Variants in PTPN6 observed in about 807,000 individuals in gnomAD.
PTPN6 encodes the protein tyrosine-protein phosphatase non-receptor type 6.
PTPN6 carries 18 observed loss-of-function variants against 81.5 expected under a neutral mutation model. The observed-to-expected ratio is 0.22, with a 90% CI of 0.15 to 0.33. The LOEUF (loss-of-function observed/expected upper bound fraction) is 0.33, where lower values mean the gene tolerates loss of function less well. PTPN6 is among the 10% of genes least tolerant of loss of function. The pLI, the probability that PTPN6 is intolerant of heterozygous loss-of-function variation, is 1.00. For missense variants in PTPN6, 500 were observed against 794.2 expected (o/e 0.63, Z 4.45); for synonymous variants, 301 against 310.9 (o/e 0.97, Z 0.33).
Position 6,960,491 on chromosome 12 carries a change from G to A in PTPN6, c.1673+56G>A, listed in dbSNP as rs759053. ...TCCACCCCTTTGTCCTGCCCAGCCC[G>A]ATCCTCACTTTCTGGAGAGGACAAG... On this transcript the variant is annotated intron_variant, in intron 14 of 15. Coordinates refer to ENST00000318974, the MANE Select transcript of PTPN6 (RefSeq NM_002831.6). The surrounding 1 kb of genome is among the most constrained non-coding windows in gnomAD (Gnocchi z 6.1). 1,335,265 of 1,563,682 alleles carry A rather than the reference G, an allele frequency of 0.85. 576,685 individuals are homozygous for A. Among genetic ancestry groups the A allele is most frequent in the South Asian group, 0.88 (78,144 of 88,852 alleles).
rs1037738090 is a variant in PTPN6 at position 6,954,501 on chromosome 12, C to T, written c.327-304C>T. ...GGTCGAGGCTGCAGAGAGCTGTAACCGCGCCACTGCACTCCAGCCTGGGCA... is the reference window on the plus strand; with the variant it reads ...GGTCGAGGCTGCAGAGAGCTGTAACTGCGCCACTGCACTCCAGCCTGGGCA... On this transcript the variant is annotated intron_variant, in intron 3 of 15. Coordinates refer to ENST00000318974, the MANE Select transcript of PTPN6 (RefSeq NM_002831.6). The surrounding 1 kb of genome is among the most constrained non-coding windows in gnomAD (Gnocchi z 5.4). 3.9e-5 allele frequency among the ~76,000 whole-genome samples: 6 copies of T among 152,336 alleles called. No homozygotes were observed. The highest frequency in any genetic ancestry group is 2.1e-4 in the South Asian group (1 of 4,830).
chr12:6,958,067 A>G lies in PTPN6; in HGVS notation c.1355A>G (p.His452Arg). The G allele has an allele frequency of 1.2e-6, 2 of 1,611,122 alleles. No homozygotes were observed. Among genetic ancestry groups the G allele is most frequent in the Non-Finnish European group, 1.7e-6 (2 of 1,179,970 alleles). The change falls in exon 11 of 16, where the codon CAC becomes CGC. Residue 452 changes from histidine to arginine, a missense_variant. By Grantham distance (29) the His-to-Arg change is conservative (BLOSUM62 0). Coordinates refer to ENST00000318974, the MANE Select transcript of PTPN6 (RefSeq NM_002831.6). The part of the protein sequence containing the change: ...SLPHAGPIIV[H>R]CSAGIGRTGT... ...CCTCACGCAGGGCCCATCATCGTGC[A>G]CTGCAGGTGAGGATGATAATCCTGA...
intron 11 of PTPN6, among the ~76,000 whole-genome samples, chr12:6,958,278 G>T (rs994290399): frequency 1.3e-5 from 2 of 152,156 alleles, no homozygotes; most frequent in Non-Finnish European, 2.9e-5. Context: ...TCTGCCTGTG[G>T]GTATCTTCCT....
upstream of PTPN6, chr12:6,946,829 C>A: frequency 1.4e-6 from 2 of 1,380,264 alleles, no homozygotes; most frequent in South Asian, 2.5e-5. Flanking sequence ...CGTGTGTGAA[C>A]GTGAGTGCGA....
chr12:6,959,627 T>G lies in PTPN6; in HGVS notation c.1362-300T>G. 1 of 551,210 alleles carries G rather than the reference T, an allele frequency of 1.8e-6. No individual in the cohort carries two copies. The highest frequency in any genetic ancestry group is 3.3e-6 in the Non-Finnish European group (1 of 306,006). 34.1% of individuals were successfully genotyped at this position (551,210 alleles called of 1,614,324 possible). On this transcript the variant is annotated intron_variant, in intron 11 of 15. Transcript: ENST00000318974. The surrounding 1 kb of genome is among the most constrained non-coding windows in gnomAD (Gnocchi z 6.6). ...AGTGGTGGGATTTGGGGGTCCCAGGTCTTCCGGGGTGGGGGCAGCCACTCA... is the reference window on the plus strand; with the variant it reads ...AGTGGTGGGATTTGGGGGTCCCAGGGCTTCCGGGGTGGGGGCAGCCACTCA...
rs1946035635 is a variant in PTPN6, at chr12:6,956,564, G to A, written c.1070G>A (p.Gly357Asp). ...IVMTTREVEK[G>D]RNKCVPYWPE... ...ATGACCACCCGAGAGGTGGAGAAAG[G>A]CCGGGTAGGGCGCCCCCCCTTCCCC... The change falls in exon 9 of 16, where the codon GGC (glycine) becomes GAC (aspartate). Residue 357 changes from glycine to aspartate, a missense_variant. Physicochemically the swap from Gly to Asp is moderately conservative, Grantham distance 94. Coordinates refer to ENST00000318974, the MANE Select transcript of PTPN6 (RefSeq NM_002831.6). The surrounding 1 kb of genome is among the most constrained non-coding windows in gnomAD (Gnocchi z 4.1). 1 of 1,613,428 alleles carries A rather than the reference G, an allele frequency of 6.2e-7. No individual in the cohort carries two copies. The highest frequency in any genetic ancestry group is 1.3e-5 in the African/African-American group (1 of 74,784).
In PTPN6 at chr12:6,957,816, G is replaced by A. The variant is rs368818350; in HGVS notation, c.1206+31G>A. The A allele has an allele frequency of 4.0e-5, 64 of 1,613,928 alleles. No individual in the cohort carries two copies. Among genetic ancestry groups the A allele is most frequent in the Admixed American group, 3.5e-4 (21 of 60,008 alleles). On this transcript the variant is annotated intron_variant, in intron 10 of 15. Transcript: ENST00000318974. The surrounding 1 kb of genome is among the most constrained non-coding windows in gnomAD (Gnocchi z 6.5). ...TGGCCCCCACGCCCTGCCCCATTCC[G>A]GGAGTCCCTCCCTGGACTTGTTCTC...
At position 6,957,184 on chromosome 12, in the gene PTPN6, A is replaced by C. The variant is rs1431231294; in HGVS notation, c.1075-470A>C. Among the ~76,000 whole-genome samples the C allele has an allele frequency of 1.3e-5, 2 of 152,220 alleles. No individual in the cohort carries two copies. Among genetic ancestry groups the C allele is most frequent in the Non-Finnish European group, 2.9e-5 (2 of 68,038 alleles). On this transcript the variant is annotated intron_variant, in intron 9 of 15. Transcript: ENST00000318974. This position sits in a 1 kb window ranked among gnomAD's most constrained non-coding sequence, Gnocchi z 6.5. The stretch of plus-strand genomic sequence containing the variant: ...TCTCTCCACACTATCTCTGCCTGGC[A>C]GATGCCTCGTTTTTGAAGACACAGC...
At chr12:6,949,067 C>T (rs1555147304), upstream of PTPN6, among the ~76,000 whole-genome samples, 1 of 152,180 alleles carries the variant, frequency 6.6e-6, no homozygotes, top group African/African-American at 2.4e-5. Flanking sequence ...CTGCCCCTGC[C>T]CCAGTGCACA....
In PTPN6 at chr12:6,960,940, G is replaced by A. The variant is rs1272343314; in HGVS notation, c.*20G>A. Reference sequence around the variant, plus strand: ...AAGTGAGCGGTGCTGTCCTCAGGTGGCCATGGTACAGCTCTTCTGCCTGGG... The same window carrying A: ...AAGTGAGCGGTGCTGTCCTCAGGTGACCATGGTACAGCTCTTCTGCCTGGG... On this transcript the variant is annotated 3_prime_UTR_variant, in exon 15 of 16. Transcript: ENST00000318974. This position sits in a 1 kb window ranked among gnomAD's most constrained non-coding sequence, Gnocchi z 6.1. 1.3e-6 allele frequency: 2 copies of A among 1,556,986 alleles called. No homozygotes were observed. Among genetic ancestry groups the A allele is most frequent in the African/African-American group, 1.4e-5 (1 of 73,312 alleles).
rs1216944107 is a variant in PTPN6 at position 6,956,362 on chromosome 12, T to C, written c.925-57T>C. 5 of 1,613,564 alleles carry C rather than the reference T, an allele frequency of 3.1e-6. No individual in the cohort carries two copies. Among genetic ancestry groups the C allele is most frequent in the Non-Finnish European group, 4.2e-6 (5 of 1,179,692 alleles). On this transcript the variant is annotated intron_variant, in intron 8 of 15. Transcript: ENST00000318974. This position sits in a 1 kb window ranked among gnomAD's most constrained non-coding sequence, Gnocchi z 4.1. ...GTGAGGGTGGCAGTGGTTCAGGGCC[T>C]GTGCTGGGCCAAGGGGCTCACTGTC...
chr12:6,955,512 G>C lies in PTPN6; in HGVS notation c.747+27G>C. The stretch of plus-strand genomic sequence containing the variant: ...TGCATGGTGGGGACCGGCAGGGCTG[G>C]GGCAGCTGAGGTGGTGGCAGCGGCC... On this transcript the variant is annotated intron_variant, in intron 6 of 15. Coordinates refer to ENST00000318974, the MANE Select transcript of PTPN6 (RefSeq NM_002831.6). This position sits in a 1 kb window ranked among gnomAD's most constrained non-coding sequence, Gnocchi z 7.2. 1 of 1,608,118 alleles carries C rather than the reference G, an allele frequency of 6.2e-7. No homozygotes were observed. Among genetic ancestry groups the C allele is most frequent in the Non-Finnish European group, 8.5e-7 (1 of 1,175,172 alleles).
chr12:6,956,939 C>T lies in PTPN6; in HGVS notation c.1074+371C>T, dbSNP rs1457339450. 1.3e-5 allele frequency among the ~76,000 whole-genome samples: 2 copies of T among 152,156 alleles called. No individual in the cohort carries two copies. Among genetic ancestry groups the T allele is most frequent in the African/African-American group, 2.4e-5 (1 of 41,444 alleles). On this transcript the variant is annotated intron_variant, in intron 9 of 15. Transcript: ENST00000318974. This position sits in a 1 kb window ranked among gnomAD's most constrained non-coding sequence, Gnocchi z 4.1. ...GTGCTGCCATTGAAGTGATCCCATC[C>T]GTGACACAAACTGGGTCAAGTTCCT... is the stretch of plus-strand genomic sequence containing the variant.
chr12:6,946,855 C>A (rs781980111), upstream of PTPN6: 91 of 1,184,002 alleles, frequency 7.7e-5, no homozygotes, highest in Non-Finnish European at 1.1e-4. Flanking sequence ...CGCTGCCCTG[C>A]GCCTGTTTCC....
Position 6,957,514 on chromosome 12 carries a change from CTCCTGCCTCTCTGCCAGCCCATCCG to C in PTPN6, c.1075-136_1075-112del. 1 of 1,158,270 alleles carries C rather than the reference CTCCTGCCTCTCTGCCAGCCCATCCG, an allele frequency of 8.6e-7. No individual in the cohort carries two copies. Among genetic ancestry groups the C allele is most frequent in the Non-Finnish European group, 1.2e-6 (1 of 810,516 alleles). The allele number at this position is 1,158,270 out of a possible 1,614,324, so 71.7% of individuals were successfully genotyped here. A position where few individuals can be genotyped will look rare whatever the true frequency, so the allele number is the denominator to read the frequency against. On this transcript the variant is annotated intron_variant, in intron 9 of 15. Transcript: ENST00000318974. This position sits in a 1 kb window ranked among gnomAD's most constrained non-coding sequence, Gnocchi z 6.5. ...GTTGATCTGAGACGAGAGCCCAGGTCTCCTGCCTCTCTGCCAGCCCATCCGTCCATCCAACAAATGTTTGGGCCGG... is the reference window on the plus strand; with the variant it reads ...GTTGATCTGAGACGAGAGCCCAGGTCTCCATCCAACAAATGTTTGGGCCGG...
chr12:6,952,262 G>A lies in PTPN6; in HGVS notation c.326+85G>A. On this transcript the variant is annotated intron_variant, in intron 3 of 15. Coordinates refer to ENST00000318974, the MANE Select transcript of PTPN6 (RefSeq NM_002831.6). This position sits in a 1 kb window ranked among gnomAD's most constrained non-coding sequence, Gnocchi z 8.1. The stretch of plus-strand genomic sequence containing the variant: ...AGCCAGGGAGGCAGGGAGACTGGCA[G>A]CCGGCGCTGCCTACCCTCCATCCCC... 6.6e-7 allele frequency: 1 copy of A among 1,509,376 alleles called. No individual in the cohort carries two copies. The highest frequency in any genetic ancestry group is 9.2e-7 in the Non-Finnish European group (1 of 1,091,482). 93.5% of individuals were successfully genotyped at this position (1,509,376 alleles called of 1,614,324 possible). A position where few individuals can be genotyped will look rare whatever the true frequency, so the allele number is the denominator to read the frequency against.
chr12:6,950,939 G>A (rs782780226), upstream of PTPN6, among the ~76,000 whole-genome samples: 40 of 152,294 alleles, frequency 2.6e-4, 1 homozygote, highest in South Asian at 5.6e-3. Context: ...AATCAGACAA[G>A]GCATGTGAAC....
At chr12:6,946,868 T>G, upstream of PTPN6, 6 of 1,061,654 alleles carry the variant, frequency 5.7e-6, no homozygotes, top group Non-Finnish European at 8.6e-6. Flanking sequence ...CTGTTTCCGG[T>G]CCCTATGAAC....
At position 6,956,083 on chromosome 12, in the gene PTPN6, A is replaced by G. The variant is rs1469801234; in HGVS notation, c.845-59A>G. On this transcript the variant is annotated intron_variant, in intron 7 of 15. Transcript: ENST00000318974. The surrounding 1 kb of genome is among the most constrained non-coding windows in gnomAD (Gnocchi z 4.1). The stretch of plus-strand genomic sequence containing the variant: ...CTGTTAGCTCAGGAGGGTCTGACCC[A>G]GGTGTGGTGAGTCCCTGGCTAACCC... 6.5e-7 allele frequency: 1 copy of G among 1,549,730 alleles called. No homozygotes were observed. Among genetic ancestry groups the G allele is most frequent in the Non-Finnish European group, 8.9e-7 (1 of 1,121,906 alleles).
Sources: allele counts gnomAD v4.1 joint callset (sites outside exome capture counted in the v4.1 genomes callset), GRCh38; gene constraint gnomAD v4.1.1; non-coding constraint Gnocchi (gnomAD v3.1); transcripts MANE v1.5; gene names NCBI Gene and HGNC (gene_info 2026-07-23, HGNC 2026-07-21).